The following CRY1 variants were observed in gnomAD, a reference collection of about 807,000 sequenced individuals.
CRY1 encodes cryptochrome circadian regulator 1.
CRY1 carries 45 observed loss-of-function variants against 76.0 expected under a neutral mutation model. The ratio of observed to expected loss-of-function variants is 0.59; its 90% CI spans 0.47 to 0.76. The LOEUF is 0.76. Among genes scored for constraint, CRY1 ranks in the 30% least tolerant of loss-of-function variants. CRY1 has a pLI of 0.00. For missense variants in CRY1, 587 were observed against 716.4 expected, an observed-to-expected ratio of 0.82 and a Z score of 2.06; for synonymous variants, 248 against 244.0, an observed-to-expected ratio of 1.02 and a Z score of -0.15.
intron 1 of CRY1, among the ~76,000 whole-genome samples, chr12:107,058,158 T>A (rs1192137651): frequency 6.6e-6 from 1 of 152,146 alleles, no homozygotes; most frequent in Non-Finnish European, 1.5e-5. Context: ...AAATTCATGC[T>A]CATGGCAAGA....
chr12:107,044,912 T>C (rs377746529), intron 1 of CRY1, among the ~76,000 whole-genome samples: 1 of 152,134 alleles, frequency 6.6e-6, no homozygotes, highest in East Asian at 1.9e-4. Context: ...CTTTCTATTA[T>C]GGGAGTTTCA....
At chr12:107,021,029 A>G (rs1161391094) in intron 2 of CRY1, among the ~76,000 whole-genome samples, 1 of 152,216 alleles carries the variant, frequency 6.6e-6, no homozygotes, top group Non-Finnish European at 1.5e-5. Context: ...CACACCTTTA[A>G]TTCCAGCACT....
intron 1 of CRY1, among the ~76,000 whole-genome samples, chr12:107,059,767 A>T (rs1953027139): frequency 6.6e-6 from 1 of 152,150 alleles, no homozygotes; most frequent in South Asian, 2.1e-4. Flanking sequence ...TGGGTTGAAA[A>T]CAAAATGAAT....
chr12:107,057,875 A>T (rs541272021), intron 1 of CRY1, among the ~76,000 whole-genome samples: 53 of 152,204 alleles, frequency 3.5e-4, no homozygotes, highest in African/African-American at 1.2e-3. Flanking sequence ...CCTGGGCAAC[A>T]AAGTGAGACG....
chr12:107,055,033 T>C (rs1952967095), intron 1 of CRY1, among the ~76,000 whole-genome samples: 1 of 152,070 alleles, frequency 6.6e-6, no homozygotes, highest in Non-Finnish European at 1.5e-5. Flanking sequence ...GACAACTTAT[T>C]AACAACCTTG....
intron 1 of CRY1, among the ~76,000 whole-genome samples, chr12:107,068,564 C>G (rs899214407): frequency 3.9e-5 from 6 of 152,106 alleles, no homozygotes; most frequent in African/African-American, 1.4e-4. Flanking sequence ...TCCCAAAGTG[C>G]TGAGATTATA....
chr12:107,023,686 C>T (rs961715466), intron 1 of CRY1, among the ~76,000 whole-genome samples: 2 of 152,132 alleles, frequency 1.3e-5, no homozygotes, highest in Non-Finnish European at 2.9e-5. Context: ...TAAAGACATC[C>T]CACCATTTCA....
chr12:107,038,938 CT>C (rs2136864329), intron 1 of CRY1, among the ~76,000 whole-genome samples: 1 of 152,154 alleles, frequency 6.6e-6, no homozygotes, highest in East Asian at 1.9e-4. Context: ...CTCCCAGCTG[CT>C]GCCCAAGAGA....
Position 106,997,620 on chromosome 12 carries a change from T to C in CRY1, c.1360A>G (p.Ile454Val). 6.2e-7 allele frequency: 1 copy of C among 1,614,166 alleles called. No individual in the cohort carries two copies. The highest frequency in any genetic ancestry group is 2.2e-5 in the East Asian group (1 of 44,870). The change falls in exon 9 of 13, where the codon ATC (isoleucine) becomes GTC (valine). Residue 454 changes from isoleucine to valine, a missense_variant. Coordinates refer to ENST00000008527, the MANE Select transcript of CRY1 (RefSeq NM_004075.5). ...IYDPWNAPEG[I>V]QKVAKCLIGV... ...ATCAAACATTTGGCTACCTTTTGGA[T>C]ACCTTCTGGTGCATTCCAGGGATCA...
intron 1 of CRY1, among the ~76,000 whole-genome samples, chr12:107,067,008 C>T (rs1232417233): frequency 6.6e-6 from 1 of 152,054 alleles, no homozygotes. Context: ...CTGAGTCTCA[C>T]TATGTTGCCC....
At chr12:107,087,893 C>G (rs1007372973) in intron 1 of CRY1, among the ~76,000 whole-genome samples, 3 of 151,902 alleles carry the variant, frequency 2.0e-5, no homozygotes, top group Non-Finnish European at 2.9e-5. Flanking sequence ...AAAAAAATTA[C>G]CTGGCCATGG....
intron 1 of CRY1, among the ~76,000 whole-genome samples, chr12:107,069,829 C>T (rs1953166653): frequency 6.7e-6 from 1 of 148,976 alleles, no homozygotes; most frequent in African/African-American, 2.5e-5. Context: ...GAAAAATGAA[C>T]AAGACAATTA....
rs1285161312 is a variant in CRY1 at position 107,089,330 on chromosome 12, G to GTTGT, written c.158+3470_158+3473dup. 1.0e-3 allele frequency among the ~76,000 whole-genome samples: 158 copies of GTTGT among 150,730 alleles called. 1 individual carries two copies. Among genetic ancestry groups the GTTGT allele is most frequent in the African/African-American group, 3.6e-3 (148 of 40,842 alleles). ...AATGTCCTTCAAATTTTTTGTTGTT[G>GTTGT]TTGTTTGTTTGTTTGTTTTTTAAGA... On this transcript the variant is annotated intron_variant, in intron 1 of 12. Transcript: ENST00000008527.
intron 2 of CRY1, among the ~76,000 whole-genome samples, chr12:107,009,765 T>C (rs565764192): frequency 6.6e-6 from 1 of 151,548 alleles, no homozygotes; most frequent in African/African-American, 2.4e-5. Context: ...AAAAACTTTT[T>C]TTAAATAAAA....
intron 1 of CRY1, among the ~76,000 whole-genome samples, chr12:107,081,852 T>C (rs1047578707): frequency 6.6e-6 from 1 of 152,004 alleles, no homozygotes; most frequent in African/African-American, 2.4e-5. Context: ...GTGCCTGATA[T>C]AGTTTACATA....
rs1404917922 is a variant in CRY1, at chr12:106,999,838, G to A, written c.850C>T (p.Leu284Phe). The change falls in exon 7 of 13, where the codon CTT (leucine) becomes TTT (phenylalanine). Residue 284 changes from leucine to phenylalanine, a missense_variant. By Grantham distance (22) the Leu-to-Phe change is conservative. Coordinates refer to ENST00000008527, the MANE Select transcript of CRY1 (RefSeq NM_004075.5). ...CATAACAGTTGCCCATAAAGGGAAA[G>A]GGGAGGGGAACTGTTCTTCTTTACC... ...KKVKKNSSPP[L>F]SLYGQLLWRE... 3 of 1,613,060 alleles carry A rather than the reference G, an allele frequency of 1.9e-6. No individual in the cohort carries two copies. Among genetic ancestry groups the A allele is most frequent in the Non-Finnish European group, 1.7e-6 (2 of 1,179,598 alleles).
At chr12:107,016,973 G>A (rs1952503327) in intron 2 of CRY1, among the ~76,000 whole-genome samples, 1 of 152,100 alleles carries the variant, frequency 6.6e-6, no homozygotes, top group Non-Finnish European at 1.5e-5. Flanking sequence ...CCTGGTCCTG[G>A]TCATCATCAT....
In CRY1 at chr12:107,092,905, G is replaced by A. The variant is rs1372522292; in HGVS notation, c.57C>T (p.Pro19=). The change falls in exon 1 of 13, where the codon CCC becomes CCT. Residue 19 remains proline, a synonymous_variant. Transcript: ENST00000008527. ...FRKGLRLHDN[P]ALKECIQGAD... is the part of the protein sequence containing the mutation. Reference sequence around the variant, plus strand: ...CGCCCTGAATGCACTCCTTCAGGGCGGGGTTGTCGTGGAGCCGGAGCCCCT... The same window carrying A: ...CGCCCTGAATGCACTCCTTCAGGGCAGGGTTGTCGTGGAGCCGGAGCCCCT... 1.5e-5 allele frequency: 24 copies of A among 1,608,272 alleles called. No homozygotes were observed. The highest frequency in any genetic ancestry group is 2.0e-5 in the Non-Finnish European group (24 of 1,178,342).
rs186886338 is a variant in CRY1 at position 107,057,096 on chromosome 12, G to A, written c.159-34904C>T. ...AACAATAAAAAAAAGAAAAAATTAA[G>A]AGAAAATGAAGTCACTGCATTAGAT... On this transcript the variant is annotated intron_variant, in intron 1 of 12. Transcript: ENST00000008527. 6.6e-5 allele frequency among the ~76,000 whole-genome samples: 10 copies of A among 152,096 alleles called. No homozygotes were observed. The East Asian group carries it at 1.9e-3, about 29-fold the overall frequency.
Sources: allele counts gnomAD v4.1 joint callset (sites outside exome capture counted in the v4.1 genomes callset), GRCh38; gene constraint gnomAD v4.1.1; transcripts MANE v1.5; gene names NCBI Gene and HGNC (gene_info 2026-07-23, HGNC 2026-07-21).